The following APBB2 variants were observed in gnomAD, a reference collection of about 807,000 sequenced individuals.
APBB2 encodes the protein Fe65-like 1.
APBB2 carries 38 observed loss-of-function variants against 82.5 expected under a neutral mutation model. The ratio of observed to expected loss-of-function variants is 0.46; its 90% CI spans 0.36 to 0.60. The LOEUF (loss-of-function observed/expected upper bound fraction) is 0.60, where lower values mean the gene tolerates loss of function less well. APBB2 is among the 20% of genes least tolerant of loss of function. The pLI is 0.00. For missense variants in APBB2, 772 were observed against 972.3 expected (o/e 0.79, Z 2.74); for synonymous variants, 341 against 368.2 (o/e 0.93, Z 0.85).
chr4:41,026,828 C>G (rs937249135), intron 5 of APBB2, among the ~76,000 whole-genome samples: 1 of 152,132 alleles, frequency 6.6e-6, no homozygotes, highest in Admixed American at 6.6e-5. Flanking sequence ...ACCCAATAGT[C>G]CTACAGATAG....
intron 10 of APBB2, among the ~76,000 whole-genome samples, chr4:40,924,158 C>T (rs1480366529): frequency 6.6e-6 from 1 of 152,174 alleles, no homozygotes; most frequent in Non-Finnish European, 1.5e-5. Flanking sequence ...TGAGATGATC[C>T]TTATTTTCCC....
intron 6 of APBB2, among the ~76,000 whole-genome samples, chr4:40,977,741 C>T (rs1797538742): frequency 6.6e-6 from 1 of 152,086 alleles, no homozygotes; most frequent in Non-Finnish European, 1.5e-5. Context: ...CACCTGATTC[C>T]CAAGAGGTCC....
At chr4:41,146,872 G>A (rs771827832) in intron 1 of APBB2, among the ~76,000 whole-genome samples, 8 of 152,180 alleles carry the variant, frequency 5.3e-5, no homozygotes, top group African/African-American at 1.4e-4. Context: ...GCATAAAGCC[G>A]CGGCCCGGGC....
intron 5 of APBB2, among the ~76,000 whole-genome samples, chr4:41,020,736 C>G (rs1811259060): frequency 2.0e-5 from 3 of 151,584 alleles, no homozygotes; most frequent in Admixed American, 2.0e-4. Context: ...CACACACTCT[C>G]AAAGGATTTC....
intron 4 of APBB2, among the ~76,000 whole-genome samples, chr4:41,041,978 C>T (rs565296123): frequency 5.3e-5 from 8 of 151,998 alleles, no homozygotes; most frequent in Non-Finnish European, 7.4e-5. Flanking sequence ...ACAAATATAC[C>T]TGATCTCCAA....
intron 4 of APBB2, among the ~76,000 whole-genome samples, chr4:41,061,062 T>C (rs573767356): frequency 1.2e-4 from 19 of 152,280 alleles, no homozygotes; most frequent in Non-Finnish European, 2.4e-4. Context: ...GTCAGAGCCA[T>C]GCCTCAGTTA....
At chr4:41,092,871 CAAT>C (rs1742254318) in intron 3 of APBB2, among the ~76,000 whole-genome samples, 2 of 152,060 alleles carry the variant, frequency 1.3e-5, no homozygotes, top group South Asian at 2.1e-4. Flanking sequence ...TGCTGTACAA[CAAT>C]GTTTTAAGAG....
chr4:40,857,265 T>G (rs1186162346), intron 12 of APBB2: 1 of 773,714 alleles, frequency 1.3e-6, no homozygotes, highest in Non-Finnish European at 1.6e-6. Flanking sequence ...CGCACTCCCG[T>G]GAAGTGCTCC....
At position 40,993,355 on chromosome 4, in the gene APBB2, TTCTC is replaced by T. The variant is rs371413861; in HGVS notation, c.835+20224_835+20227del. On this transcript the variant is annotated intron_variant, in intron 6 of 17. Coordinates refer to ENST00000508593, the MANE Select transcript of APBB2 (RefSeq NM_004307.2). ...GGAGCACAGGAGCAATTAAGAACTC[TTCTC>T]TCTTTTTTTTTTTTTTTTTTTTTTT... 8.4e-3 allele frequency among the ~76,000 whole-genome samples: 1,217 copies of T among 144,932 alleles called. 32 individuals carry two copies. Among genetic ancestry groups the T allele is most frequent in the East Asian group, 0.045 (218 of 4,884 alleles).
intron 6 of APBB2, among the ~76,000 whole-genome samples, chr4:40,974,895 TA>T (rs781009143): frequency 1.4e-4 from 21 of 152,322 alleles, no homozygotes; most frequent in Non-Finnish European, 2.8e-4. Flanking sequence ...TCTGCTTTAT[TA>T]AAAAAAGTGC....
intron 10 of APBB2, among the ~76,000 whole-genome samples, chr4:40,933,940 C>A (rs377562410): frequency 6.6e-6 from 1 of 152,208 alleles, no homozygotes; most frequent in African/African-American, 2.4e-5. Context: ...TAGCAACCTA[C>A]CAGAAGTCCA....
At chr4:40,825,997 T>C in intron 14 of APBB2, 27 bp from the exon 15 acceptor site, 1 of 1,568,006 alleles carries the variant, frequency 6.4e-7, no homozygotes, top group Non-Finnish European at 8.8e-7. Context: ...CAACACATCT[T>C]TCTCAGTGGT....
At chr4:40,890,325 C>T (rs371548321) in intron 12 of APBB2, 39 bp downstream of exon 12, 48 of 1,596,014 alleles carry the variant, frequency 3.0e-5, no homozygotes, top group Admixed American at 1.7e-4. Flanking sequence ...ACCAGGGACA[C>T]GGGTGAGGTG....
intron 1 of APBB2, among the ~76,000 whole-genome samples, chr4:41,203,944 A>G (rs1326596110): frequency 6.6e-6 from 1 of 152,184 alleles, no homozygotes; most frequent in Non-Finnish European, 1.5e-5. Context: ...CATGCTTTTC[A>G]AAAAGACCCA....
chr4:41,020,282 G>A (rs1811134181), intron 5 of APBB2, among the ~76,000 whole-genome samples: 1 of 152,096 alleles, frequency 6.6e-6, no homozygotes, highest in South Asian at 2.1e-4. Flanking sequence ...TCCTAACAGG[G>A]GATCTAAATC....
At chr4:40,956,517 A>AT (rs1260053634) in intron 6 of APBB2, among the ~76,000 whole-genome samples, 5 of 152,168 alleles carry the variant, frequency 3.3e-5, no homozygotes, top group African/African-American at 9.7e-5. Flanking sequence ...TTTCCAAGAC[A>AT]TAATTTAGGT....
At chr4:41,089,416 T>C (rs1173036073) in intron 3 of APBB2, among the ~76,000 whole-genome samples, 1 of 152,210 alleles carries the variant, frequency 6.6e-6, no homozygotes, top group Non-Finnish European at 1.5e-5. Flanking sequence ...TATTTTCGTA[T>C]TTTGGACTTC....
At chr4:40,877,114 A>C (rs769671815) in intron 12 of APBB2, among the ~76,000 whole-genome samples, 14 of 152,258 alleles carry the variant, frequency 9.2e-5, no homozygotes, top group Non-Finnish European at 1.6e-4. Context: ...GTGGATGAAC[A>C]CATGCCGAAA....
intron 1 of APBB2, among the ~76,000 whole-genome samples, chr4:41,148,436 A>T (rs562469940): frequency 3.5e-4 from 53 of 152,348 alleles, no homozygotes; most frequent in African/African-American, 1.2e-3. Context: ...TGGAGCTGTC[A>T]ACCATTCAAA....
Sources: gnomAD v4.1 joint callset for allele counts (sites outside exome capture counted in the v4.1 genomes callset) on GRCh38, gnomAD v4.1.1 for gene constraint, MANE v1.5 for transcripts, NCBI Gene and HGNC (gene_info 2026-07-23, HGNC 2026-07-21) for gene names.